FBRSL1: variants seen among roughly 807,000 people sequenced by gnomAD.
FBRSL1 encodes the protein fibrosin-1-like protein.
FBRSL1 carries 51 observed loss-of-function variants against 89.6 expected under a neutral mutation model. That is an observed-to-expected ratio of 0.57 (90% CI 0.45 to 0.72). The LOEUF (loss-of-function observed/expected upper bound fraction) is 0.72. Among genes scored for constraint, FBRSL1 ranks in the 30% least tolerant of loss-of-function variants. The probability of loss-of-function intolerance (pLI) is 0.00; values close to 1 mark genes in which losing one functional copy is unlikely to be tolerated. For synonymous variants in FBRSL1, 779 were observed against 681.1 expected (o/e 1.14, Z -2.24); for missense variants, 1,618 against 1,451.8 (o/e 1.11, Z -1.86).
At chr12:132,528,355 T>G (rs1272250552) in intron 4 of FBRSL1, among the ~76,000 whole-genome samples, 2 of 152,096 alleles carry the variant, frequency 1.3e-5, no homozygotes, top group Admixed American at 6.5e-5. Context: ...AAGGCCGGGC[T>G]GCTTCTTGGG....
chr12:132,582,864 G>A (rs1019007384), intron 18 of FBRSL1, 107 bp from the exon 19 acceptor site: 28 of 932,756 alleles, frequency 3.0e-5, no homozygotes, highest in Non-Finnish European at 4.0e-5. Context: ...GGGGTCACCG[G>A]CCACCCAGAA....
intron 4 of FBRSL1, among the ~76,000 whole-genome samples, chr12:132,544,222 T>A (rs368125856): frequency 6.6e-6 from 1 of 152,086 alleles, no homozygotes. Context: ...CAACAAGTAC[T>A]GAGAAGTGGT....
chr12:132,508,758 C>T (rs748194183), intron 2 of FBRSL1, among the ~76,000 whole-genome samples: 12 of 152,248 alleles, frequency 7.9e-5, no homozygotes, highest in Non-Finnish European at 1.8e-4. Flanking sequence ...CAGCGCCATC[C>T]GCTCACGTGT....
Position 132,542,194 on chromosome 12 carries a change from CAT to C in FBRSL1, c.616-5808_616-5807del, listed in dbSNP as rs567849860. Among the ~76,000 whole-genome samples, 19 of 152,372 alleles carry C rather than the reference CAT, an allele frequency of 1.2e-4. No individual in the cohort carries two copies. In the East Asian group the frequency reaches 2.3e-3, roughly 19 times the overall value. ...GGCACACGCAGGACGCGCCACGGCACATGTGCACACGGCAGATGCTCCTCGTA... is the reference window on the plus strand; with the variant it reads ...GGCACACGCAGGACGCGCCACGGCACGTGCACACGGCAGATGCTCCTCGTA... On this transcript the variant is annotated intron_variant, in intron 4 of 18. Coordinates refer to ENST00000680143, the MANE Select transcript of FBRSL1 (RefSeq NM_001367871.1).
intron 2 of FBRSL1, chr12:132,511,935 C>G: frequency 1.0e-6 from 1 of 984,624 alleles, no homozygotes; most frequent in Non-Finnish European, 1.2e-6. Context: ...AAGTGCCGTG[C>G]CACTATTTTT....
intron 5 of FBRSL1, chr12:132,553,739 C>T (rs1002062370): frequency 6.6e-6 from 1 of 152,256 alleles, no homozygotes; most frequent in Non-Finnish European, 1.5e-5. Context: ...ATCAGAGACT[C>T]GGGGCAATGG....
At chr12:132,576,102 A>G (rs1309080925) in intron 14 of FBRSL1, among the ~76,000 whole-genome samples, 2 of 152,056 alleles carry the variant, frequency 1.3e-5, no homozygotes, top group Admixed American at 6.5e-5. Flanking sequence ...TTTTTAACAC[A>G]TTTAACTTTG....
intron 1 of FBRSL1, among the ~76,000 whole-genome samples, chr12:132,495,988 C>T (rs2031958178): frequency 6.6e-6 from 1 of 152,266 alleles, no homozygotes; most frequent in African/African-American, 2.4e-5. Flanking sequence ...GAGTCACCGG[C>T]CCTCTTCCCC....
At chr12:132,507,291 CT>C in intron 1 of FBRSL1, 2 of 985,604 alleles carry the variant, frequency 2.0e-6, no homozygotes, top group Non-Finnish European at 2.4e-6. Context: ...TTCGTGGACG[CT>C]TCTCCCTGGC....
rs765641446 is a variant in FBRSL1 at position 132,582,200 on chromosome 12, C to T, written c.2135C>T (p.Ala712Val). 23 of 1,550,050 alleles carry T rather than the reference C, an allele frequency of 1.5e-5. No homozygotes were observed. Among genetic ancestry groups the T allele is most frequent in the Non-Finnish European group, 1.9e-5 (22 of 1,146,880 alleles). ...APPPWPKSVD[A>V]ERVSALTNHD... Reference sequence around the variant, plus strand: ...CCCCCGTGGCCCAAGTCCGTGGACGCGGAGCGGGTGTCAGCCCTGACCAAC... The same window carrying T: ...CCCCCGTGGCCCAAGTCCGTGGACGTGGAGCGGGTGTCAGCCCTGACCAAC... The change falls in exon 18 of 19, where the codon GCG becomes GTG. Residue 712 changes from alanine to valine, a missense_variant. Coordinates refer to ENST00000680143, the MANE Select transcript of FBRSL1 (RefSeq NM_001367871.1).
chr12:132,559,135 C>G (rs547923430), intron 5 of FBRSL1, among the ~76,000 whole-genome samples: 1 of 152,380 alleles, frequency 6.6e-6, no homozygotes, highest in South Asian at 2.1e-4. Flanking sequence ...AGCGCCCCAC[C>G]GTAAGGGAGA....
rs1279656050 is a variant in FBRSL1 at position 132,584,451 on chromosome 12, C to G, written c.*673C>G. 6.6e-6 allele frequency: 1 copy of G among 152,196 alleles called. No individual in the cohort carries two copies. Among genetic ancestry groups the G allele is most frequent in the Admixed American group, 6.5e-5 (1 of 15,284 alleles). 9.4% of individuals were successfully genotyped at this position (152,196 alleles called of 1,614,324 possible). ...ACTTTATAAAAACCGTTTCCAGAAA[C>G]CCCTCTGGTTGTTTGTCTAACATGG... On this transcript the variant is annotated 3_prime_UTR_variant, in exon 19 of 19. Transcript: ENST00000680143.
chr12:132,529,586 TTCTCTGCCACCCTG>T (rs2036085275), intron 4 of FBRSL1, among the ~76,000 whole-genome samples: 3 of 150,332 alleles, frequency 2.0e-5, no homozygotes, highest in African/African-American at 7.3e-5. Context: ...CCCTGGGCTC[TTCTCTGCCACCCTG>T]GGCTCTGCCA....
intron 2 of FBRSL1, chr12:132,511,102 G>C: frequency 3.0e-6 from 3 of 985,564 alleles, no homozygotes. Flanking sequence ...AGGAGGTGCT[G>C]GTGTCCACCT....
At chr12:132,553,982 G>C (rs528889918) in intron 5 of FBRSL1, 1 of 152,350 alleles carries the variant, frequency 6.6e-6, no homozygotes, top group South Asian at 2.1e-4. Context: ...GCCTAGCCTC[G>C]CTCACAGGGC....
At position 132,582,222 on chromosome 12, in the gene FBRSL1, C is replaced by T. The variant is rs752045895; in HGVS notation, c.2157C>T (p.Thr719=). The part of the protein sequence containing the change: ...SVDAERVSAL[T]NHDREPDNGK... The stretch of plus-strand genomic sequence containing the variant: ...ACGCGGAGCGGGTGTCAGCCCTGAC[C>T]AACCATGACCGAGAGCCGGACAATG... The change falls in exon 18 of 19, where the codon ACC becomes ACT. Residue 719 remains threonine (T), a synonymous_variant. Transcript: ENST00000680143. 1.3e-6 allele frequency: 2 copies of T among 1,550,236 alleles called. No homozygotes were observed. Among genetic ancestry groups the T allele is most frequent in the South Asian group, 2.4e-5 (2 of 84,062 alleles).
At chr12:132,529,665 A>C (rs2036096192) in intron 4 of FBRSL1, among the ~76,000 whole-genome samples, 6 of 132,250 alleles carry the variant, frequency 4.5e-5, no homozygotes, top group African/African-American at 1.8e-4. Flanking sequence ...TGGCTCTGCC[A>C]CCCTGGGCTC....
chr12:132,525,743 A>T lies in FBRSL1; in HGVS notation c.499A>T (p.Thr167Ser). The change falls in exon 3 of 19, where the codon ACC (threonine) becomes TCC (serine). Residue 167 changes from threonine (T) to serine (S), a missense_variant. By Grantham distance (58) the Thr-to-Ser change is moderately conservative. Transcript: ENST00000680143. ...TCTCTCTCTGTCCCAGATGAAGGTC[A>T]CCGTGTCCAAAGGGGGCGACCGGGA... ...PLQPSKQMKV[T>S]VSKGGDRDSD... is the part of the protein sequence containing the mutation. 6.5e-7 allele frequency: 1 copy of T among 1,549,470 alleles called. No individual in the cohort carries two copies. The highest frequency in any genetic ancestry group is 8.7e-7 in the Non-Finnish European group (1 of 1,145,888).
intron 2 of FBRSL1, chr12:132,511,792 G>A: frequency 1.0e-6 from 1 of 985,364 alleles, no homozygotes; most frequent in Non-Finnish European, 1.2e-6. Context: ...GTCCTGACCA[G>A]CCTCTGGTGC....
Sources: allele counts gnomAD v4.1 joint callset (sites outside exome capture counted in the v4.1 genomes callset), GRCh38; gene constraint gnomAD v4.1.1; transcripts MANE v1.5; gene names NCBI Gene and HGNC (gene_info 2026-07-23, HGNC 2026-07-21).